KIRREL3: variants seen among roughly 807,000 people sequenced by gnomAD.
KIRREL3 encodes kirre like nephrin family adhesion molecule 3, also known as kin of IRRE-like protein 3.
A neutral mutation model predicts 89.7 loss-of-function variants in KIRREL3; 36 were observed. The ratio of observed to expected loss-of-function variants is 0.40; its 90% CI spans 0.31 to 0.53. KIRREL3 has a LOEUF of 0.53. Ranked by LOEUF, KIRREL3 falls within the 20% of genes least tolerant of loss-of-function variation. KIRREL3 has a pLI of 0.49. For synonymous variants in KIRREL3, 445 were observed against 441.4 expected (o/e 1.01, Z -0.10); for missense variants, 864 against 1,056.6 (o/e 0.82, Z 2.53).
chr11:126,637,892 G>A (rs1242872334), intron 1 of KIRREL3, among the ~76,000 whole-genome samples: 6 of 152,198 alleles, frequency 3.9e-5, no homozygotes, highest in Admixed American at 3.9e-4. Context: ...CAAGTAAACC[G>A]ATGACCATTG....
chr11:126,510,812 A>G (rs1354134524), intron 4 of KIRREL3, among the ~76,000 whole-genome samples: 1 of 152,202 alleles, frequency 6.6e-6, no homozygotes, highest in Non-Finnish European at 1.5e-5. Context: ...GTGCTGACCA[A>G]TCACAGGCTG....
chr11:126,521,574 A>G lies in KIRREL3; in HGVS notation c.284-110T>C. The G allele has an allele frequency of 1.0e-6, 1 of 968,258 alleles. No individual in the cohort carries two copies. Among genetic ancestry groups the G allele is most frequent in the South Asian group, 1.6e-5 (1 of 61,264 alleles). 60.0% of individuals were successfully genotyped at this position (968,258 alleles called of 1,614,324 possible). On this transcript the variant is annotated intron_variant, in intron 3 of 16. Coordinates refer to ENST00000525144, the MANE Select transcript of KIRREL3 (RefSeq NM_032531.4). The surrounding 1 kb of genome is among the most constrained non-coding windows in gnomAD (Gnocchi z 4.1). ...GCAGGGGCCATTCTACAAGGCTGGC[A>G]GAGCGGGTGATTGCTCAGGGCTCTG...
chr11:126,722,831 G>A (rs772154145), intron 1 of KIRREL3, among the ~76,000 whole-genome samples: 1 of 152,164 alleles, frequency 6.6e-6, no homozygotes, highest in Non-Finnish European at 1.5e-5. Context: ...CATATCTGTT[G>A]GATGAATGAA....
At position 126,788,398 on chromosome 11, in the gene KIRREL3, G is replaced by A. The variant is rs1351034943; in HGVS notation, c.55+212057C>T. ...TGCAGGGTCTGTGGCCCTTGGTTTTGAGACTGAGACAGGGCTGTGCTTCTT... is the reference window on the plus strand; with the variant it reads ...TGCAGGGTCTGTGGCCCTTGGTTTTAAGACTGAGACAGGGCTGTGCTTCTT... On this transcript the variant is annotated intron_variant, in intron 1 of 16. Transcript: ENST00000525144. This position sits in a 1 kb window ranked among gnomAD's most constrained non-coding sequence, Gnocchi z 4.1. Among the ~76,000 whole-genome samples the A allele has an allele frequency of 6.6e-6, 1 of 152,166 alleles. No individual in the cohort carries two copies.
At position 126,424,508 on chromosome 11, in the gene KIRREL3, C is replaced by T; in HGVS notation, c.*72G>A. ...AATTCTGGTGTCCTCTGCAAAGTAC[C>T]CCTCGTCCCTGGACAACCAGAACGT... On this transcript the variant is annotated 3_prime_UTR_variant, in exon 17 of 17. Coordinates refer to ENST00000525144, the MANE Select transcript of KIRREL3 (RefSeq NM_032531.4). 6.9e-7 allele frequency: 1 copy of T among 1,458,114 alleles called. No homozygotes were observed. The highest frequency in any genetic ancestry group is 1.3e-5 in the South Asian group (1 of 79,982). 90.3% of individuals were successfully genotyped at this position (1,458,114 alleles called of 1,614,324 possible).
intron 4 of KIRREL3, among the ~76,000 whole-genome samples, chr11:126,503,389 G>A (rs1565505475): frequency 6.6e-6 from 1 of 152,114 alleles, no homozygotes; most frequent in East Asian, 1.9e-4. Context: ...TCCCCTAGAT[G>A]CCCCTAGGGG....
chr11:126,552,570 T>C (rs1409453015), intron 2 of KIRREL3, among the ~76,000 whole-genome samples: 1 of 108,736 alleles, frequency 9.2e-6, no homozygotes, highest in Non-Finnish European at 1.9e-5. Flanking sequence ...TTTTTTTTTT[T>C]TTTTTTTTTT....
At position 126,431,608 on chromosome 11, in the gene KIRREL3, G is replaced by C. The variant is rs1033979079; in HGVS notation, c.1589-82C>G. The C allele has an allele frequency of 4.3e-6, 6 of 1,398,570 alleles. No individual in the cohort carries two copies. The Admixed American group carries it at 1.1e-4, about 27-fold the overall frequency. 86.6% of individuals were successfully genotyped at this position (1,398,570 alleles called of 1,614,324 possible). A position where few individuals can be genotyped will look rare whatever the true frequency, so the allele number is the denominator to read the frequency against. Reference sequence around the variant, plus strand: ...CCATGATCTCACCCCGTTCCTGCGGGGGCAGCCCCTGCCACATGGGGCCCT... The same window carrying C: ...CCATGATCTCACCCCGTTCCTGCGGCGGCAGCCCCTGCCACATGGGGCCCT... On this transcript the variant is annotated intron_variant, in intron 13 of 16. Coordinates refer to ENST00000525144, the MANE Select transcript of KIRREL3 (RefSeq NM_032531.4). This position sits in a 1 kb window ranked among gnomAD's most constrained non-coding sequence, Gnocchi z 7.1.
At chr11:126,949,893 A>G (rs767303367) in intron 1 of KIRREL3, among the ~76,000 whole-genome samples, 29 of 152,230 alleles carry the variant, frequency 1.9e-4, no homozygotes, top group Non-Finnish European at 3.8e-4. Context: ...GCTCACATCG[A>G]GTTCTCCACT....
Position 126,485,920 on chromosome 11 carries a change from AG to A in KIRREL3, c.434-12455del, listed in dbSNP as rs1188593448. ...ACCCCAAGGGAGGGAGGGCTAGTCC[AG>A]TGGGCCAGGGAAAGGGAGCCAGGTG... On this transcript the variant is annotated intron_variant, in intron 4 of 16. Transcript: ENST00000525144. The surrounding 1 kb of genome is among the most constrained non-coding windows in gnomAD (Gnocchi z 5.8). 6.6e-6 allele frequency among the ~76,000 whole-genome samples: 1 copy of A among 152,246 alleles called. No homozygotes were observed. Among genetic ancestry groups the A allele is most frequent in the Admixed American group, 6.5e-5 (1 of 15,286 alleles).
chr11:126,448,298 A>G (rs11220497), intron 8 of KIRREL3, among the ~76,000 whole-genome samples: 24,135 of 147,282 alleles, frequency 0.16, 2,517 homozygotes, highest in East Asian at 0.38. Flanking sequence ...AAAAAAAAAA[A>G]AAAGAAATAA....
rs915811539 is a variant in KIRREL3, at chr11:126,752,207, T to TG, written c.56-189296dup. On this transcript the variant is annotated intron_variant, in intron 1 of 16. Coordinates refer to ENST00000525144, the MANE Select transcript of KIRREL3 (RefSeq NM_032531.4). The surrounding 1 kb of genome is among the most constrained non-coding windows in gnomAD (Gnocchi z 4.8). The stretch of plus-strand genomic sequence containing the variant: ...TTTCCCAGGCTCAGCGTGGGTTGGT[T>TG]GGGGGGGTTTCTTGAAGCATTGTAG... Among the ~76,000 whole-genome samples, 6 of 102,390 alleles carry TG rather than the reference T, an allele frequency of 5.9e-5. No homozygotes were observed. The highest frequency in any genetic ancestry group is 5.5e-4 in the South Asian group (2 of 3,652). The allele number at this position is 102,390 out of a possible 152,430, so 67.2% of individuals were successfully genotyped here. A position where few individuals can be genotyped will look rare whatever the true frequency, so the allele number is the denominator to read the frequency against.
intron 3 of KIRREL3, among the ~76,000 whole-genome samples, chr11:126,524,692 G>T (rs750516539): frequency 2.6e-5 from 4 of 152,184 alleles, no homozygotes; most frequent in Admixed American, 6.5e-5. Context: ...GGAGATTCGG[G>T]GGGGCCACAT....
intron 1 of KIRREL3, among the ~76,000 whole-genome samples, chr11:126,721,230 C>T (rs529633665): frequency 6.6e-6 from 1 of 152,218 alleles, no homozygotes; most frequent in South Asian, 2.1e-4. Context: ...AAGACAGCAC[C>T]TTCCTTAAAG....
intron 1 of KIRREL3, among the ~76,000 whole-genome samples, chr11:126,861,839 C>CAA (rs1450999303): frequency 1.3e-5 from 2 of 152,196 alleles, no homozygotes; most frequent in Non-Finnish European, 2.9e-5. Context: ...TGTGGACGTC[C>CAA]AAAAGGCTGC....
Position 126,431,592 on chromosome 11 carries a change from C to T in KIRREL3, c.1589-66G>A. 6.7e-7 allele frequency: 1 copy of T among 1,482,660 alleles called. No individual in the cohort carries two copies. The highest frequency in any genetic ancestry group is 9.3e-7 in the Non-Finnish European group (1 of 1,081,020). The allele number at this position is 1,482,660 out of a possible 1,614,324, so 91.8% of individuals were successfully genotyped here. A position where few individuals can be genotyped will look rare whatever the true frequency, so the allele number is the denominator to read the frequency against. ...ATGGCCTACTATCCCCCCATGATCT[C>T]ACCCCGTTCCTGCGGGGGCAGCCCC... On this transcript the variant is annotated intron_variant, in intron 13 of 16. Coordinates refer to ENST00000525144, the MANE Select transcript of KIRREL3 (RefSeq NM_032531.4). This position sits in a 1 kb window ranked among gnomAD's most constrained non-coding sequence, Gnocchi z 7.1.
At chr11:126,461,062 G>A (rs781418795) in intron 6 of KIRREL3, among the ~76,000 whole-genome samples, 5 of 152,230 alleles carry the variant, frequency 3.3e-5, no homozygotes, top group African/African-American at 1.2e-4. Flanking sequence ...TGGACAGAGA[G>A]CTCTGATCCG....
rs1215170295 is a variant in KIRREL3, at chr11:126,558,473, G to A, written c.133+4362C>T. 6.6e-6 allele frequency among the ~76,000 whole-genome samples: 1 copy of A among 152,156 alleles called. No homozygotes were observed. Among genetic ancestry groups the A allele is most frequent in the East Asian group, 1.9e-4 (1 of 5,178 alleles). On this transcript the variant is annotated intron_variant, in intron 2 of 16. Coordinates refer to ENST00000525144, the MANE Select transcript of KIRREL3 (RefSeq NM_032531.4). The surrounding 1 kb of genome is among the most constrained non-coding windows in gnomAD (Gnocchi z 4.0). Reference sequence around the variant, plus strand: ...CTCATGGTCTCAGCCTCCTCTTCCAGAAGTCTAAGAGCCCTGGGTGTCTGG... The same window carrying A: ...CTCATGGTCTCAGCCTCCTCTTCCAAAAGTCTAAGAGCCCTGGGTGTCTGG...
intron 1 of KIRREL3, among the ~76,000 whole-genome samples, chr11:126,596,848 C>T (rs529323460): frequency 6.6e-6 from 1 of 152,342 alleles, no homozygotes; most frequent in Admixed American, 6.5e-5. Flanking sequence ...TTGATGGCCT[C>T]TAGCCTTGGG....
Sources: gnomAD v4.1 joint callset for allele counts (sites outside exome capture counted in the v4.1 genomes callset) on GRCh38, gnomAD v4.1.1 for gene constraint, Gnocchi (gnomAD v3.1) non-coding constraint, MANE v1.5 for transcripts, NCBI Gene and HGNC (gene_info 2026-07-23, HGNC 2026-07-21) for gene names.